Variants in OSBPL1A observed in about 807,000 individuals in gnomAD.
OSBPL1A encodes the protein oxysterol binding protein like 1A.
Under a neutral mutation model 137.1 loss-of-function variants are expected in OSBPL1A, and 80 were observed. That is an observed-to-expected ratio of 0.58 (90% CI 0.49 to 0.70). The LOEUF (loss-of-function observed/expected upper bound fraction) is 0.70, where lower values mean the gene tolerates loss of function less well. OSBPL1A is among the 30% of genes least tolerant of loss of function. The pLI is 0.00. For synonymous variants in OSBPL1A, 365 were observed against 389.7 expected (o/e 0.94, Z 0.75); for missense variants, 970 against 1,129.4 (o/e 0.86, Z 2.02).
intron 18 of OSBPL1A, among the ~76,000 whole-genome samples, chr18:24,182,597 C>T (rs926119048): frequency 7.9e-5 from 12 of 151,994 alleles, no homozygotes; most frequent in Middle Eastern, 3.2e-3. Flanking sequence ...GAAACTGGAG[C>T]GCAATCAAAG....
intron 16 of OSBPL1A, among the ~76,000 whole-genome samples, chr18:24,226,275 T>A (rs1185223851): frequency 1.3e-5 from 2 of 152,152 alleles, no homozygotes; most frequent in Non-Finnish European, 2.9e-5. Context: ...TTAACAAGCA[T>A]GCTAATGGTC....
intron 5 of OSBPL1A, among the ~76,000 whole-genome samples, 180 bp downstream of exon 5, chr18:24,341,367 A>G (rs1489007833): frequency 6.6e-6 from 1 of 152,210 alleles, no homozygotes; most frequent in African/African-American, 2.4e-5. Context: ...TAAAAGCTTT[A>G]AGTGAAGAAA....
At chr18:24,326,395 T>C (rs868593981) in intron 7 of OSBPL1A, among the ~76,000 whole-genome samples, 3 of 152,216 alleles carry the variant, frequency 2.0e-5, no homozygotes, top group Admixed American at 6.5e-5. Flanking sequence ...CAGTCACCTC[T>C]GTACCATATG....
chr18:24,168,886 T>A (rs1006162444), intron 24 of OSBPL1A, among the ~76,000 whole-genome samples: 1 of 152,226 alleles, frequency 6.6e-6, no homozygotes, highest in Admixed American at 6.5e-5. Context: ...ATATAAGGAA[T>A]GTTCTCTGGA....
At chr18:24,382,000 G>A (rs751180066) in intron 1 of OSBPL1A, among the ~76,000 whole-genome samples, 2 of 151,190 alleles carry the variant, frequency 1.3e-5, no homozygotes, top group Non-Finnish European at 2.9e-5. Context: ...TTAAAGATCC[G>A]TCAATAAAGG....
intron 18 of OSBPL1A, among the ~76,000 whole-genome samples, chr18:24,183,487 C>T (rs1302428127): frequency 1.3e-5 from 2 of 150,216 alleles, no homozygotes; most frequent in Non-Finnish European, 3.0e-5. Flanking sequence ...GGCTGGAGTG[C>T]AAAGGCGCGA....
chr18:24,238,821 C>T (rs1427166260), intron 16 of OSBPL1A, among the ~76,000 whole-genome samples: 1 of 152,230 alleles, frequency 6.6e-6, no homozygotes, highest in Non-Finnish European at 1.5e-5. Flanking sequence ...AGCACTTGCG[C>T]TTCGTTACCT....
At chr18:24,203,747 G>A (rs948229449) in intron 17 of OSBPL1A, among the ~76,000 whole-genome samples, 9 of 152,176 alleles carry the variant, frequency 5.9e-5, no homozygotes, top group African/African-American at 2.2e-4. Flanking sequence ...GAGCATGCAT[G>A]TGTGCACACA....
intron 2 of OSBPL1A, among the ~76,000 whole-genome samples, chr18:24,373,913 G>A (rs1488086580): frequency 6.6e-6 from 1 of 152,032 alleles, no homozygotes; most frequent in African/African-American, 2.4e-5. Flanking sequence ...TGACTGACAG[G>A]TATAATGAGG....
chr18:24,384,590 C>A (rs937419975), intron 1 of OSBPL1A, among the ~76,000 whole-genome samples: 1 of 136,534 alleles, frequency 7.3e-6, no homozygotes, highest in African/African-American at 2.8e-5. Context: ...ACAAAAGGGC[C>A]GGGGGCGGGT....
At chr18:24,378,991 C>T (rs1430142640) in intron 1 of OSBPL1A, among the ~76,000 whole-genome samples, 3 of 151,916 alleles carry the variant, frequency 2.0e-5, no homozygotes, top group African/African-American at 7.3e-5. Context: ...GGAAGAAAAG[C>T]AACCTAGAGA....
chr18:24,281,709 A>G (rs373350798), intron 14 of OSBPL1A, among the ~76,000 whole-genome samples: 185 of 152,274 alleles, frequency 1.2e-3, no homozygotes, highest in African/African-American at 4.2e-3. Flanking sequence ...CTTGGGCATC[A>G]TTATTTAAGC....
At chr18:24,332,322 G>C (rs984452289) in intron 7 of OSBPL1A, among the ~76,000 whole-genome samples, 1 of 145,968 alleles carries the variant, frequency 6.9e-6, no homozygotes, top group African/African-American at 2.6e-5. Context: ...GGAGGAGGAG[G>C]CTGCAGTGAG....
chr18:24,309,904 G>C (rs939900935), intron 13 of OSBPL1A, among the ~76,000 whole-genome samples: 5 of 151,854 alleles, frequency 3.3e-5, no homozygotes, highest in Admixed American at 3.3e-4. Flanking sequence ...AAAATTAGCT[G>C]GGCATGGTGT....
chr18:24,199,964 T>C (rs1339310233), intron 17 of OSBPL1A, among the ~76,000 whole-genome samples: 1 of 152,194 alleles, frequency 6.6e-6, no homozygotes, highest in African/African-American at 2.4e-5. Flanking sequence ...AGAAATACAA[T>C]GAGAGCTTCA....
At chr18:24,216,098 G>A (rs1047213337) in intron 17 of OSBPL1A, among the ~76,000 whole-genome samples, 2 of 152,126 alleles carry the variant, frequency 1.3e-5, no homozygotes, top group Admixed American at 1.3e-4. Context: ...AGTATCAAGG[G>A]ACCCAGGTAC....
At chr18:24,382,220 G>T (rs1225562064) in intron 1 of OSBPL1A, among the ~76,000 whole-genome samples, 1 of 136,890 alleles carries the variant, frequency 7.3e-6, no homozygotes, top group Non-Finnish European at 1.5e-5. Context: ...CCAACATGGT[G>T]AAAACGTCTC....
At chr18:24,290,823 C>A (rs72884894) in intron 14 of OSBPL1A, among the ~76,000 whole-genome samples, 33,644 of 152,144 alleles carry the variant, frequency 0.22, 4,596 homozygotes, top group Middle Eastern at 0.31. Flanking sequence ...AAGGGGCAGA[C>A]CCCTAGTGAC....
intron 7 of OSBPL1A, among the ~76,000 whole-genome samples, chr18:24,319,981 CAA>C (rs56140141): frequency 1.3e-5 from 1 of 77,448 alleles, no homozygotes; most frequent in Admixed American, 1.6e-4. Flanking sequence ...CTTATCTCTA[CAA>C]AAAAAAAAAA....
Sources: allele counts gnomAD v4.1 joint callset (sites outside exome capture counted in the v4.1 genomes callset), GRCh38; gene constraint gnomAD v4.1.1; transcripts MANE v1.5; gene names NCBI Gene and HGNC (gene_info 2026-07-23, HGNC 2026-07-21).